The following SLC9A2 variants were observed in gnomAD, a reference collection of about 807,000 sequenced individuals.
SLC9A2 encodes sodium/hydrogen exchanger 2.
Under a neutral mutation model 71.7 loss-of-function variants are expected in SLC9A2, and 42 were observed. The ratio of observed to expected loss-of-function variants is 0.59; its 90% CI spans 0.46 to 0.76. The LOEUF is 0.76. Among genes scored for constraint, SLC9A2 ranks in the 30% least tolerant of loss-of-function variants. The pLI is 0.00. For missense variants in SLC9A2, 829 were observed against 1,017.4 expected (o/e 0.81, Z 2.52); for synonymous variants, 396 against 392.5 (o/e 1.01, Z -0.10).
Position 102,665,157 on chromosome 2 carries a change from G to A in SLC9A2, c.811G>A (p.Val271Met), listed in dbSNP as rs779851991. Residue 271 changes from valine (V) to methionine (M), a missense_variant, in exon 3 of 12, where the codon GTG becomes ATG. By Grantham distance (21) the Val-to-Met change is conservative. Around this residue, in one of 3 missense-constraint regions of SLC9A2, gnomAD observed 500 missense variants for 726.3 expected, o/e 0.69. Coordinates refer to ENST00000233969, the MANE Select transcript of SLC9A2 (RefSeq NM_003048.6). Reference protein sequence around the residue: ...CQMKTIETIDVFAGIANFFVV... With the variant: ...CQMKTIETIDMFAGIANFFVV... ...GATGAAAACCATTGAGACCATTGAT[G>A]TGTTTGCAGGAATCGCCAACTTCTT... 4.8e-5 allele frequency: 77 copies of A among 1,613,924 alleles called. 1 individual carries two copies. The South Asian group carries it at 8.1e-4, about 17-fold the overall frequency.
chr2:102,690,093 G>T (rs371148661), intron 5 of SLC9A2, among the ~76,000 whole-genome samples: 120 of 152,202 alleles, frequency 7.9e-4, no homozygotes, highest in African/African-American at 2.3e-3. Context: ...AGAAAAGAAG[G>T]CATCTGACAA....
At chr2:102,707,184 A>G (rs764082100) in intron 11 of SLC9A2, among the ~76,000 whole-genome samples, 3 of 152,168 alleles carry the variant, frequency 2.0e-5, no homozygotes, top group Non-Finnish European at 4.4e-5. Flanking sequence ...GATTATTACA[A>G]GCCCAAACAT....
chr2:102,664,875 G>C (rs6735965), intron 2 of SLC9A2, among the ~76,000 whole-genome samples: 2,450 of 152,198 alleles, frequency 0.016, 75 homozygotes, highest in African/African-American at 0.055. Context: ...CTTACTTTTA[G>C]AAATAAATTC....
intron 1 of SLC9A2, among the ~76,000 whole-genome samples, chr2:102,629,044 G>T (rs924577019): frequency 6.6e-6 from 1 of 152,004 alleles, no homozygotes; most frequent in Non-Finnish European, 1.5e-5. Flanking sequence ...GTATACATAT[G>T]CAGACACATA....
At chr2:102,685,870 T>C (rs777790204) in intron 5 of SLC9A2, among the ~76,000 whole-genome samples, 9 of 152,090 alleles carry the variant, frequency 5.9e-5, no homozygotes, top group African/African-American at 2.2e-4. Flanking sequence ...TAGCAGAGAA[T>C]TGGTATTTGA....
intron 1 of SLC9A2, among the ~76,000 whole-genome samples, chr2:102,625,441 G>C (rs752740027): frequency 1.3e-5 from 2 of 151,568 alleles, no homozygotes; most frequent in Non-Finnish European, 2.9e-5. Flanking sequence ...ATTTACATTA[G>C]GTATATCTCC....
In SLC9A2 at chr2:102,656,474, C is replaced by G. The variant is rs563072312; in HGVS notation, c.290-1090C>G. 9.8e-5 allele frequency among the ~76,000 whole-genome samples: 15 copies of G among 152,334 alleles called. 1 individual carries two copies. In the South Asian group the frequency reaches 3.1e-3, roughly 32 times the overall value. On this transcript the variant is annotated intron_variant, in intron 1 of 11. Coordinates refer to ENST00000233969, the MANE Select transcript of SLC9A2 (RefSeq NM_003048.6). ...AGCACTTGGCTGGGGCTTGACCACA[C>G]TTTGCCTTGTATTAGAGTAAGTCGT... is the stretch of plus-strand genomic sequence containing the variant.
At chr2:102,699,156 T>C (rs1281714109) in intron 7 of SLC9A2, among the ~76,000 whole-genome samples, 1 of 152,052 alleles carries the variant, frequency 6.6e-6, no homozygotes, top group African/African-American at 2.4e-5. Flanking sequence ...TCTAACAGGA[T>C]GGATAGGAAG....
chr2:102,674,329 A>T (rs2104532813), intron 3 of SLC9A2, among the ~76,000 whole-genome samples: 1 of 152,268 alleles, frequency 6.6e-6, no homozygotes, highest in African/African-American at 2.4e-5. Flanking sequence ...AACAAACCTC[A>T]GTTTACTTCT....
At chr2:102,672,472 G>A (rs1205355234) in intron 3 of SLC9A2, among the ~76,000 whole-genome samples, 1 of 152,120 alleles carries the variant, frequency 6.6e-6, no homozygotes, top group Non-Finnish European at 1.5e-5. Flanking sequence ...TGAAAAGATG[G>A]GAGGAATAAA....
chr2:102,652,953 C>G (rs1302678647), intron 1 of SLC9A2, among the ~76,000 whole-genome samples: 1 of 152,204 alleles, frequency 6.6e-6, no homozygotes, highest in East Asian at 1.9e-4. Flanking sequence ...TAAATGCATG[C>G]ACATTTGTAA....
At chr2:102,706,103 A>T (rs1342295475) in intron 11 of SLC9A2, among the ~76,000 whole-genome samples, 167 bp downstream of exon 11, 1 of 8,940 alleles carries the variant, frequency 1.1e-4, no homozygotes. Flanking sequence ...GTGGATCACG[A>T]GGTCAGGAGA....
chr2:102,649,015 A>C (rs553990333), intron 1 of SLC9A2, among the ~76,000 whole-genome samples: 121 of 151,780 alleles, frequency 8.0e-4, no homozygotes, highest in African/African-American at 2.8e-3. Context: ...AAAAAAGACA[A>C]GACAATCCTA....
At chr2:102,691,879 TC>T (rs1381590845) in intron 5 of SLC9A2, among the ~76,000 whole-genome samples, 2 of 152,098 alleles carry the variant, frequency 1.3e-5, no homozygotes, top group Admixed American at 6.5e-5. Flanking sequence ...TATCTTTATG[TC>T]CTGTATTTAC....
At chr2:102,647,641 TA>T (rs58262943) in intron 1 of SLC9A2, among the ~76,000 whole-genome samples, 7,754 of 150,344 alleles carry the variant, frequency 0.052, 602 homozygotes, top group African/African-American at 0.17. Context: ...ATAGACACAA[TA>T]AAAAAAATAA....
At chr2:102,679,137 C>A (rs1466393858) in intron 3 of SLC9A2, among the ~76,000 whole-genome samples, 1 of 152,168 alleles carries the variant, frequency 6.6e-6, no homozygotes, top group Non-Finnish European at 1.5e-5. Context: ...GACATGCACA[C>A]ACTCCCTGAA....
chr2:102,637,714 C>G (rs190600017), intron 1 of SLC9A2, among the ~76,000 whole-genome samples: 19 of 152,334 alleles, frequency 1.2e-4, no homozygotes, highest in Admixed American at 1.2e-3. Context: ...AGTGCCCCAG[C>G]TGGGACAGGG....
intron 2 of SLC9A2, among the ~76,000 whole-genome samples, chr2:102,663,472 C>T (rs1209238635): frequency 6.6e-6 from 1 of 152,122 alleles, no homozygotes; most frequent in African/African-American, 2.4e-5. Flanking sequence ...ACATATTAAA[C>T]CCATATTGTG....
chr2:102,693,568 G>C (rs1016993835), intron 5 of SLC9A2, among the ~76,000 whole-genome samples: 6 of 152,070 alleles, frequency 3.9e-5, no homozygotes, highest in African/African-American at 1.2e-4. Flanking sequence ...ACTCATGAAC[G>C]TGCCCAGACT....
Sources: allele counts gnomAD v4.1 joint callset (sites outside exome capture counted in the v4.1 genomes callset), GRCh38; gene constraint gnomAD v4.1.1; regional missense constraint gnomAD v4.1.1; transcripts MANE v1.5; gene names NCBI Gene and HGNC (gene_info 2026-07-23, HGNC 2026-07-21).